The following TFDP1 variants were observed in gnomAD, a reference collection of about 807,000 sequenced individuals.
TFDP1 encodes transcription factor Dp-1.
TFDP1 carries 6 observed loss-of-function variants against 48.0 expected under a neutral mutation model. The ratio of observed to expected loss-of-function variants is 0.13; its 90% confidence interval spans 0.07 to 0.25. TFDP1 has a LOEUF of 0.25. Ranked by LOEUF, TFDP1 falls within the 10% of genes least tolerant of loss-of-function variation. TFDP1 has a pLI of 1.00. For missense variants in TFDP1, 335 were observed against 543.0 expected (o/e 0.62, Z 3.81); for synonymous variants, 201 against 211.6 (o/e 0.95, Z 0.44).
intron 2 of TFDP1, among the ~76,000 whole-genome samples, chr13:113,608,453 C>T (rs1412776448): frequency 6.6e-6 from 1 of 152,192 alleles, no homozygotes; most frequent in East Asian, 1.9e-4. Context: ...AGTCATCCTC[C>T]ACAGCTGGGA....
intron 11 of TFDP1, 149 bp from the exon 12 acceptor site, chr13:113,639,971 G>A: frequency 1.6e-6 from 1 of 616,794 alleles, no homozygotes; most frequent in Non-Finnish European, 2.8e-6. Context: ...GTGCTGTAGT[G>A]CAGACACTCA....
At chr13:113,586,047 G>T in intron 2 of TFDP1, 198 bp downstream of exon 2, 1 of 541,330 alleles carries the variant, frequency 1.8e-6, no homozygotes, top group Non-Finnish European at 3.2e-6. Flanking sequence ...CCCACAAGTT[G>T]TGGCCTTGGA....
chr13:113,630,207 C>T (rs762406478), intron 4 of TFDP1, among the ~76,000 whole-genome samples: 20 of 152,124 alleles, frequency 1.3e-4, no homozygotes, highest in Non-Finnish European at 2.5e-4. Flanking sequence ...ACAAGTTTCA[C>T]AGGACATTTA....
intron 11 of TFDP1, among the ~76,000 whole-genome samples, chr13:113,639,892 G>A (rs191947555): frequency 8.5e-5 from 13 of 152,352 alleles, no homozygotes; most frequent in African/African-American, 9.6e-5. Context: ...TGTTTCTGTC[G>A]TTATGGGTTC....
rs181521334 is a variant in TFDP1, at chr13:113,639,761, G to C, written c.1086-359G>C. ...CGGGCTCTCTTTTTTCCTGTTGCTG[G>C]TTATGAGTGAAAGTCCCGGAGGGAG... On this transcript the variant is annotated intron_variant, in intron 11 of 11. Transcript: ENST00000375370. Among the ~76,000 whole-genome samples the C allele has an allele frequency of 5.3e-3, 805 of 152,326 alleles. 4 individuals carry two copies. Among genetic ancestry groups the C allele is most frequent in the Middle Eastern group, 0.01 (3 of 294 alleles).
At chr13:113,636,226 A>T in intron 9 of TFDP1, 98 bp downstream of exon 9, 1 of 1,461,544 alleles carries the variant, frequency 6.8e-7, no homozygotes, top group African/African-American at 1.4e-5. Flanking sequence ...TAAATGTTGT[A>T]CAAATAGCAA....
intron 2 of TFDP1, among the ~76,000 whole-genome samples, chr13:113,597,693 A>T (rs1342499500): frequency 3.3e-5 from 5 of 152,208 alleles, no homozygotes; most frequent in African/African-American, 1.2e-4. Context: ...TGACGAAATT[A>T]GGAGCACCTC....
chr13:113,586,160 A>C (rs956222362), intron 2 of TFDP1: 1 of 245,406 alleles, frequency 4.1e-6, no homozygotes. Flanking sequence ...CCTTAATTAA[A>C]TTGAGGTGGA....
intron 3 of TFDP1, among the ~76,000 whole-genome samples, chr13:113,613,544 ATG>A (rs559034371): frequency 1.1e-4 from 17 of 151,310 alleles, no homozygotes; most frequent in Admixed American, 2.6e-4. Flanking sequence ...TGTGTGAGGA[ATG>A]TGTGTGTCAC....
In TFDP1 at chr13:113,627,275, T is replaced by C. The variant is rs1046919833; in HGVS notation, c.186+3989T>C. Among the ~76,000 whole-genome samples, 1 of 152,074 alleles carries C rather than the reference T, an allele frequency of 6.6e-6. No homozygotes were observed. The highest frequency in any genetic ancestry group is 1.5e-5 in the Non-Finnish European group (1 of 68,006). On this transcript the variant is annotated intron_variant, in intron 4 of 11. Transcript: ENST00000375370. The surrounding 1 kb of genome is among the most constrained non-coding windows in gnomAD (Gnocchi z 4.1). The stretch of plus-strand genomic sequence containing the variant: ...CAGGGTCTTTTGAGGTGCGGATGCT[T>C]GTGAAGCCTGTGGTGCTGCAGAGCT...
chr13:113,610,999 G>A lies in TFDP1; in HGVS notation c.16G>A (p.Gly6Ser), dbSNP rs752319056. The A allele has an allele frequency of 1.1e-5, 18 of 1,613,864 alleles. No individual in the cohort carries two copies. The highest frequency in any genetic ancestry group is 8.8e-5 in the South Asian group (8 of 91,058). Residue 6 changes from glycine to serine, a missense_variant, in exon 3 of 12, where the codon GGT (glycine) becomes AGT (serine). This residue lies in a region of TFDP1 where 103 missense variants were observed against 140.4 expected (regional missense o/e 0.73). Coordinates refer to ENST00000375370, the MANE Select transcript of TFDP1 (RefSeq NM_007111.5). ...ATTGTTTTGTTGCTTTCCGCAGGCCGGTCTAATTGAAGCCAACGGAGAACT... is the reference window on the plus strand; with the variant it reads ...ATTGTTTTGTTGCTTTCCGCAGGCCAGTCTAATTGAAGCCAACGGAGAACT... MAKDAGLIEANGELKV... is the reference protein window; with the variant it reads MAKDASLIEANGELKV...
chr13:113,603,499 C>T lies in TFDP1; in HGVS notation c.13-7497C>T, dbSNP rs570558292. ...GCCTGGCATGGAAATTAGTCACATT[C>T]GTAGACCCTGTCACAGAGTGGGCAC... On this transcript the variant is annotated intron_variant, in intron 2 of 11. Transcript: ENST00000375370. Among the ~76,000 whole-genome samples the T allele has an allele frequency of 6.6e-5, 10 of 152,340 alleles. 1 individual carries two copies. The South Asian group carries it at 1.7e-3, about 25-fold the overall frequency.
intron 4 of TFDP1, among the ~76,000 whole-genome samples, chr13:113,626,823 G>A (rs2049192307): frequency 1.3e-5 from 2 of 152,202 alleles, no homozygotes; most frequent in African/African-American, 4.8e-5. Context: ...AAGTTGACTA[G>A]GAATTCTAAG....
At chr13:113,585,161 G>T in intron 1 of TFDP1, 1 of 147,810 alleles carries the variant, frequency 6.8e-6, no homozygotes, top group South Asian at 1.8e-4. Flanking sequence ...TGGGGCCGGG[G>T]CCGGGGCCGG....
At chr13:113,591,211 G>C (rs1279136188) in intron 2 of TFDP1, among the ~76,000 whole-genome samples, 1 of 150,440 alleles carries the variant, frequency 6.6e-6, no homozygotes, top group African/African-American at 2.4e-5. Context: ...GCGTGGTGGC[G>C]GGCGCCTGTA....
At position 113,640,278 on chromosome 13, in the gene TFDP1, A is replaced by G. The variant is rs2049611336; in HGVS notation, c.*11A>G. The G allele has an allele frequency of 6.2e-7, 1 of 1,606,540 alleles. No homozygotes were observed. Among genetic ancestry groups the G allele is most frequent in the Admixed American group, 1.7e-5 (1 of 58,100 alleles). On this transcript the variant is annotated 3_prime_UTR_variant, in exon 12 of 12. Coordinates refer to ENST00000375370, the MANE Select transcript of TFDP1 (RefSeq NM_007111.5). ...GACGAGGACGACTGACGTCCTCCCC[A>G]CTTCAGATTCGGCTTCAGGAAAACG...
rs562027460 is a variant in TFDP1, at chr13:113,615,749, T to A, written c.79+4687T>A. Among the ~76,000 whole-genome samples, 41 of 152,120 alleles carry A rather than the reference T, an allele frequency of 2.7e-4. No homozygotes were observed. The East Asian group carries it at 7.7e-3, about 29-fold the overall frequency. Reference sequence around the variant, plus strand: ...GGAGACCCCATCTCTATAAAAAATTTTAAAAAAAAGTAGCCAAGCATGGTG... The same window carrying A: ...GGAGACCCCATCTCTATAAAAAATTATAAAAAAAAGTAGCCAAGCATGGTG... On this transcript the variant is annotated intron_variant, in intron 3 of 11. Transcript: ENST00000375370.
chr13:113,621,981 G>C (rs889575662), intron 3 of TFDP1, among the ~76,000 whole-genome samples: 8 of 152,314 alleles, frequency 5.3e-5, no homozygotes, highest in South Asian at 4.1e-4. Context: ...GTAAATTAGT[G>C]AAAGTACTAA....
chr13:113,626,070 T>G (rs1470605648), intron 4 of TFDP1, among the ~76,000 whole-genome samples: 1 of 143,612 alleles, frequency 7.0e-6, no homozygotes, highest in Non-Finnish European at 1.5e-5. Context: ...TGTCCTCAGG[T>G]GTCTCTCACG....
Sources: gnomAD v4.1 joint callset for allele counts (sites outside exome capture counted in the v4.1 genomes callset) on GRCh38, gnomAD v4.1.1 for gene constraint, gnomAD v4.1.1 regional missense constraint, Gnocchi (gnomAD v3.1) non-coding constraint, MANE v1.5 for transcripts, NCBI Gene and HGNC (gene_info 2026-07-23, HGNC 2026-07-21) for gene names.